The following BCKDHB variants were observed in gnomAD, a reference collection of about 807,000 sequenced individuals.
The protein encoded by BCKDHB is branched chain keto acid dehydrogenase E1 subunit beta.
BCKDHB carries 41 observed loss-of-function variants against 48.5 expected under a neutral mutation model. That is an observed-to-expected ratio of 0.85 (90% CI 0.66 to 1.10). The LOEUF (loss-of-function observed/expected upper bound fraction) is 1.10, where lower values mean the gene tolerates loss of function less well. BCKDHB is among the 50% of genes least tolerant of loss of function. The pLI is 0.00. For synonymous variants in BCKDHB, 201 were observed against 174.8 expected (o/e 1.15, Z -1.18); for missense variants, 496 against 494.2 (o/e 1.00, Z -0.03).
chr6:80,226,473 A>C (rs1467755992), intron 8 of BCKDHB, among the ~76,000 whole-genome samples: 1 of 152,210 alleles, frequency 6.6e-6, no homozygotes, highest in African/African-American at 2.4e-5. Context: ...CAGAGCTACA[A>C]AAGTAGGATA....
the BCKDHB span, chr6:80,356,191 C>G: frequency 6.6e-6 from 1 of 152,204 alleles, no homozygotes. Context: ...TCTCAGTACA[C>G]ATACACCATT....
the BCKDHB span, among the ~76,000 whole-genome samples, chr6:80,388,988 G>A: frequency 6.6e-6 from 1 of 152,192 alleles, no homozygotes; most frequent in East Asian, 1.9e-4. Flanking sequence ...TCACTGGCTG[G>A]TCAGGGACTT....
At chr6:80,244,796 C>T (rs761590570) in intron 8 of BCKDHB, among the ~76,000 whole-genome samples, 2 of 152,156 alleles carry the variant, frequency 1.3e-5, no homozygotes, top group Non-Finnish European at 2.9e-5. Context: ...AGAAAGATGA[C>T]TGTAACAAAA....
the BCKDHB span, among the ~76,000 whole-genome samples, chr6:80,389,376 A>G: frequency 6.6e-6 from 1 of 152,200 alleles, no homozygotes; most frequent in Non-Finnish European, 1.5e-5. Flanking sequence ...AGCCCTTGAT[A>G]TGGCACCATT....
chr6:80,322,312 C>T (rs1340079940), intron 9 of BCKDHB, among the ~76,000 whole-genome samples: 1 of 145,742 alleles, frequency 6.9e-6, no homozygotes, highest in Non-Finnish European at 1.5e-5. Context: ...AATCTCGGCT[C>T]ACTGCAACCT....
chr6:80,284,908 G>T (rs968758349), intron 9 of BCKDHB, among the ~76,000 whole-genome samples: 4 of 152,044 alleles, frequency 2.6e-5, no homozygotes, highest in Admixed American at 6.6e-5. Flanking sequence ...CACCATGCCT[G>T]TATTATTAGC....
At chr6:80,310,618 A>G (rs566678463) in intron 9 of BCKDHB, among the ~76,000 whole-genome samples, 2 of 152,214 alleles carry the variant, frequency 1.3e-5, no homozygotes. Flanking sequence ...GTATGTAATC[A>G]GTAATGGGAT....
At chr6:80,416,255 T>G in the BCKDHB span, among the ~76,000 whole-genome samples, 2 of 151,558 alleles carry the variant, frequency 1.3e-5, no homozygotes, top group Non-Finnish European at 2.9e-5. Context: ...GTTTTTTTTT[T>G]TTTTCTTTGT....
the BCKDHB span, among the ~76,000 whole-genome samples, chr6:80,420,594 G>A: frequency 6.6e-6 from 1 of 152,180 alleles, no homozygotes; most frequent in Non-Finnish European, 1.5e-5. Flanking sequence ...CATGTGTGTT[G>A]TGTGTGGAAA....
chr6:80,197,907 C>T (rs948209827), intron 6 of BCKDHB, among the ~76,000 whole-genome samples: 9 of 151,930 alleles, frequency 5.9e-5, no homozygotes, highest in South Asian at 4.2e-4. Flanking sequence ...TTTGTCCACC[C>T]GCCCGTCCAT....
the BCKDHB span, among the ~76,000 whole-genome samples, chr6:80,391,264 C>G: frequency 1.3e-5 from 2 of 151,864 alleles, no homozygotes; most frequent in Non-Finnish European, 2.9e-5. Context: ...AATGGTGTCT[C>G]CAAAGATATG....
intron 3 of BCKDHB, among the ~76,000 whole-genome samples, chr6:80,149,799 A>C (rs1425907435): frequency 2.3e-5 from 3 of 129,368 alleles, no homozygotes; most frequent in Non-Finnish European, 3.2e-5. Flanking sequence ...GGACACAGGA[A>C]GGGGAACATT....
At chr6:80,348,737 G>A (rs1336843873), downstream of BCKDHB, among the ~76,000 whole-genome samples, 1 of 152,154 alleles carries the variant, frequency 6.6e-6, no homozygotes, top group Non-Finnish European at 1.5e-5. Context: ...TCTTTGGCCT[G>A]ATGGATGAGG....
At chr6:80,432,282 C>G in the BCKDHB span, among the ~76,000 whole-genome samples, 1 of 152,178 alleles carries the variant, frequency 6.6e-6, no homozygotes, top group African/African-American at 2.4e-5. Flanking sequence ...TGTTTTCCAA[C>G]TTGGTTACAT....
the BCKDHB span, chr6:80,373,904 G>A: frequency 4.9e-6 from 2 of 409,728 alleles, no homozygotes; most frequent in South Asian, 2.0e-5. Context: ...ATCCTTATGT[G>A]TCAGGTGAGT....
chr6:80,397,935 C>G, the BCKDHB span, among the ~76,000 whole-genome samples: 4 of 152,068 alleles, frequency 2.6e-5, no homozygotes, highest in Non-Finnish European at 4.4e-5. Context: ...TTACTGAAAA[C>G]CATGCAAGTA....
At chr6:80,292,515 C>CG (rs1302844388) in intron 9 of BCKDHB, among the ~76,000 whole-genome samples, 5 of 152,088 alleles carry the variant, frequency 3.3e-5, no homozygotes, top group African/African-American at 1.2e-4. Flanking sequence ...TACCTCCCAC[C>CG]GGGTCCCTCC....
chr6:80,399,748 T>A, the BCKDHB span, among the ~76,000 whole-genome samples: 2 of 152,100 alleles, frequency 1.3e-5, no homozygotes, highest in African/African-American at 4.8e-5. Flanking sequence ...AAAACTATTT[T>A]AAAATTCTTA....
At chr6:80,182,737 A>C (rs1773470076) in intron 6 of BCKDHB, among the ~76,000 whole-genome samples, 2 of 152,194 alleles carry the variant, frequency 1.3e-5, no homozygotes, top group Admixed American at 1.3e-4. Context: ...ATTGTATTAT[A>C]AACATTGTTT....
Sources: gnomAD v4.1 joint callset for allele counts (sites outside exome capture counted in the v4.1 genomes callset) on GRCh38, gnomAD v4.1.1 for gene constraint, MANE v1.5 for transcripts, NCBI Gene and HGNC (gene_info 2026-07-23, HGNC 2026-07-21) for gene names.